The following ADGRV1 variants were observed in gnomAD, a reference collection of about 807,000 sequenced individuals.
ADGRV1 encodes the protein adhesion G protein-coupled receptor V1, also known as G-protein coupled receptor 98.
ADGRV1 carries 359 observed loss-of-function variants against 596.2 expected under a neutral mutation model. The observed-to-expected ratio is 0.60, with a 90% CI of 0.55 to 0.66. ADGRV1 has a LOEUF of 0.66. ADGRV1 is among the 30% of genes least tolerant of loss of function. The pLI is 0.00. For missense variants in ADGRV1, 7,274 were observed against 7,575.6 expected (o/e 0.96, Z 1.48); for synonymous variants, 2,681 against 2,679.2 (o/e 1.00, Z -0.02).
intron 85 of ADGRV1, among the ~76,000 whole-genome samples, chr5:91,024,194 C>T (rs1358170196): frequency 1.3e-5 from 2 of 152,120 alleles, no homozygotes; most frequent in African/African-American, 4.8e-5. Flanking sequence ...TTAGCCATTT[C>T]TTCCATTGTA....
At chr5:90,727,030 C>G (rs914606242) in intron 48 of ADGRV1, among the ~76,000 whole-genome samples, 1 of 152,144 alleles carries the variant, frequency 6.6e-6, no homozygotes, top group Non-Finnish European at 1.5e-5. Context: ...CAGGAAATAG[C>G]AACCCCACGA....
chr5:90,852,179 A>G (rs897351935), intron 79 of ADGRV1, among the ~76,000 whole-genome samples: 3 of 152,138 alleles, frequency 2.0e-5, no homozygotes, highest in African/African-American at 7.2e-5. Context: ...ATTTGAAGGC[A>G]CCAATTCAAA....
intron 83 of ADGRV1, among the ~76,000 whole-genome samples, chr5:90,949,345 T>TG (rs1776869455): frequency 6.6e-6 from 1 of 152,194 alleles, no homozygotes; most frequent in Non-Finnish European, 1.5e-5. Context: ...TGCACCCTAC[T>TG]GTGTGTATGT....
At chr5:90,567,695 TC>T (rs1228234099) in intron 1 of ADGRV1, among the ~76,000 whole-genome samples, 1 of 152,050 alleles carries the variant, frequency 6.6e-6, no homozygotes, top group African/African-American at 2.4e-5. Flanking sequence ...CAAATCTTCT[TC>T]CCTTTTTTCT....
intron 84 of ADGRV1, among the ~76,000 whole-genome samples, chr5:90,978,927 G>C (rs1253463278): frequency 3.3e-5 from 5 of 152,000 alleles, no homozygotes; most frequent in Non-Finnish European, 7.4e-5. Context: ...CATTTTAATA[G>C]GTACTACAAG....
intron 25 of ADGRV1, among the ~76,000 whole-genome samples, chr5:90,678,572 T>A (rs906280077): frequency 1.4e-5 from 2 of 148,144 alleles, no homozygotes; most frequent in African/African-American, 5.0e-5. Context: ...TGGCTCATGG[T>A]TCTCGAGGCT....
At chr5:90,909,104 TGC>T (rs1772601970) in intron 83 of ADGRV1, among the ~76,000 whole-genome samples, 1 of 152,198 alleles carries the variant, frequency 6.6e-6, no homozygotes, top group African/African-American at 2.4e-5. Context: ...GTTCTTTGCC[TGC>T]TGCGTTGTTG....
chr5:90,840,524 G>A, intron 77 of ADGRV1, 54 bp from the exon 78 acceptor site: 1 of 1,435,524 alleles, frequency 7.0e-7, no homozygotes, highest in South Asian at 1.4e-5. Context: ...AATTTGTTTA[G>A]GACAAGATCA....
Position 91,164,126 on chromosome 5 carries a change from C to T in ADGRV1, c.*226C>T, listed in dbSNP as rs1271620502. 9.8e-6 allele frequency: 6 copies of T among 614,006 alleles called. No individual in the cohort carries two copies. The highest frequency in any genetic ancestry group is 1.8e-5 in the Non-Finnish European group (6 of 333,822). 38.0% of individuals were successfully genotyped at this position (614,006 alleles called of 1,614,324 possible). A position where few individuals can be genotyped will look rare whatever the true frequency, so the allele number is the denominator to read the frequency against. On this transcript the variant is annotated 3_prime_UTR_variant, in exon 90 of 90. Transcript: ENST00000405460. ...AGTTTGTATCAGTTAATAGGATGTT[C>T]ATATTCCAAGGATATTAGTTGTTTT...
At chr5:91,152,444 AT>A (rs147506649) in intron 88 of ADGRV1, among the ~76,000 whole-genome samples, 1 of 152,116 alleles carries the variant, frequency 6.6e-6, no homozygotes, top group African/African-American at 2.4e-5. Flanking sequence ...CATTTCTTAT[AT>A]TTTTTAACAG....
chr5:90,664,399 A>G (rs1027381113), intron 21 of ADGRV1, among the ~76,000 whole-genome samples: 1 of 151,968 alleles, frequency 6.6e-6, no homozygotes, highest in Admixed American at 6.6e-5. Context: ...TTCACTCATG[A>G]TTTGGCTCTC....
rs1441843052 is a variant in ADGRV1 at position 91,138,771 on chromosome 5, AC to A, written c.18433-11258del. 1.4e-3 allele frequency among the ~76,000 whole-genome samples: 213 copies of A among 147,342 alleles called. 1 individual carries two copies. Among genetic ancestry groups the A allele is most frequent in the African/African-American group, 5.2e-3 (207 of 39,696 alleles). On this transcript the variant is annotated intron_variant, in intron 87 of 89. Transcript: ENST00000405460. Reference sequence around the variant, plus strand: ...GTCATTTTGCCAATTTTATTGGTAAACTTTTTTTTTTTTTTTTTTAAATGGA... The same window carrying A: ...GTCATTTTGCCAATTTTATTGGTAAATTTTTTTTTTTTTTTTTTAAATGGA...
At chr5:90,727,169 C>T (rs186503372) in intron 48 of ADGRV1, among the ~76,000 whole-genome samples, 2 of 152,084 alleles carry the variant, frequency 1.3e-5, no homozygotes, top group African/African-American at 2.4e-5. Context: ...GTCACTATAG[C>T]CTTGACCTCC....
chr5:90,736,706 G>A (rs1753270841), intron 50 of ADGRV1, among the ~76,000 whole-genome samples: 2 of 151,788 alleles, frequency 1.3e-5, no homozygotes, highest in Non-Finnish European at 2.9e-5. Context: ...TAGGTGCTAT[G>A]TGTCTAGACG....
At chr5:90,610,723 G>A (rs9293546) in intron 1 of ADGRV1, among the ~76,000 whole-genome samples, 30,269 of 151,796 alleles carry the variant, frequency 0.2, 3,299 homozygotes, top group East Asian at 0.4. Context: ...GGAGATTGGC[G>A]GATAAATATT....
intron 88 of ADGRV1, among the ~76,000 whole-genome samples, chr5:91,151,417 T>C (rs940252718): frequency 6.6e-6 from 1 of 152,124 alleles, no homozygotes; most frequent in Non-Finnish European, 1.5e-5. Flanking sequence ...GGTACAAAAT[T>C]TGAGTTATAA....
At chr5:90,816,026 C>A (rs1247243726) in intron 75 of ADGRV1, among the ~76,000 whole-genome samples, 1 of 152,148 alleles carries the variant, frequency 6.6e-6, no homozygotes, top group Non-Finnish European at 1.5e-5. Flanking sequence ...ACATACATAC[C>A]ATTTTCCTGT....
chr5:90,932,929 T>C (rs1008264248), intron 83 of ADGRV1, among the ~76,000 whole-genome samples: 1 of 152,178 alleles, frequency 6.6e-6, no homozygotes, highest in Non-Finnish European at 1.5e-5. Flanking sequence ...TCATCACACA[T>C]TGTGCTGGTC....
At chr5:90,714,466 T>A (rs1327957481) in intron 42 of ADGRV1, among the ~76,000 whole-genome samples, 1 of 151,932 alleles carries the variant, frequency 6.6e-6, no homozygotes, top group Non-Finnish European at 1.5e-5. Context: ...AAAATTTTTT[T>A]AAATTTAAAA....
Sources: gnomAD v4.1 joint callset for allele counts (sites outside exome capture counted in the v4.1 genomes callset) on GRCh38, gnomAD v4.1.1 for gene constraint, MANE v1.5 for transcripts, NCBI Gene and HGNC (gene_info 2026-07-23, HGNC 2026-07-21) for gene names.